The following HEATR5A variants were observed in gnomAD, a reference collection of about 807,000 sequenced individuals.
HEATR5A encodes the protein HEAT repeat containing 5A.
Under a neutral mutation model 218.8 loss-of-function variants are expected in HEATR5A, and 178 were observed. That is an observed-to-expected ratio of 0.81 (90% CI 0.72 to 0.92). HEATR5A has a LOEUF of 0.92. Among genes scored for constraint, HEATR5A ranks in the 40% least tolerant of loss-of-function variants. The probability of loss-of-function intolerance (pLI) is 0.00; values close to 1 mark genes in which losing one functional copy is unlikely to be tolerated. For missense variants in HEATR5A, 2,420 were observed against 2,418.9 expected (o/e 1.00, Z -0.01); for synonymous variants, 864 against 871.6 (o/e 0.99, Z 0.15).
chr14:31,344,265 A>ACTCTTTTTTTTTTT (rs1900940737), intron 20 of HEATR5A, among the ~76,000 whole-genome samples, 200 bp from the exon 21 acceptor site: 1 of 54,924 alleles, frequency 1.8e-5, no homozygotes, highest in Non-Finnish European at 4.6e-5. Context: ...TAGATTAGTT[A>ACTCTTTTTTTTTTT]TTCTTTTTTT....
intron 22 of HEATR5A, among the ~76,000 whole-genome samples, chr14:31,327,550 C>T (rs1467097040): frequency 6.6e-6 from 1 of 151,936 alleles, no homozygotes; most frequent in Non-Finnish European, 1.5e-5. Context: ...CTAGGCCTCC[C>T]AAAGTGCTAG....
chr14:31,322,828 A>G (rs1360990548), intron 24 of HEATR5A, among the ~76,000 whole-genome samples: 2 of 151,744 alleles, frequency 1.3e-5, no homozygotes, highest in East Asian at 3.9e-4. Context: ...AAAAAAAAAA[A>G]AAAAAAAACA....
chr14:31,322,869 G>A (rs972199408), intron 24 of HEATR5A, among the ~76,000 whole-genome samples: 2 of 147,874 alleles, frequency 1.4e-5, no homozygotes, highest in Non-Finnish European at 3.0e-5. Context: ...GAACATATGA[G>A]CTTAAGTGAA....
intron 9 of HEATR5A, among the ~76,000 whole-genome samples, chr14:31,385,106 G>A (rs1438246435): frequency 6.6e-6 from 1 of 152,066 alleles, no homozygotes; most frequent in East Asian, 1.9e-4. Flanking sequence ...CAAGAAATGT[G>A]TGCCACGAAG....
Position 31,405,933 on chromosome 14 carries a change from T to C in HEATR5A, c.-74-2884A>G, listed in dbSNP as rs2031044865. Reference sequence around the variant, plus strand: ...AAGCAGGTCATAAAGTCATCTCTAATGCCCTCAATACATTCCTTATGTAAA... The same window carrying C: ...AAGCAGGTCATAAAGTCATCTCTAACGCCCTCAATACATTCCTTATGTAAA... On this transcript the variant is annotated intron_variant, in intron 1 of 35. Coordinates refer to ENST00000543095, the MANE Select transcript of HEATR5A (RefSeq NM_015473.4). Among the ~76,000 whole-genome samples the C allele has an allele frequency of 1.3e-5, 2 of 152,252 alleles. 1 individual carries two copies. The highest frequency in any genetic ancestry group is 1.3e-4 in the Admixed American group (2 of 15,288).
Position 31,349,837 on chromosome 14 carries a change from A to G in HEATR5A, c.2660T>C (p.Val887Ala). The change falls in exon 18 of 36, where the codon GTA becomes GCA. Residue 887 changes from valine (V) to alanine (A), a missense_variant. Val to Ala is a moderately conservative substitution (Grantham distance 64, BLOSUM62 0). Coordinates refer to ENST00000543095, the MANE Select transcript of HEATR5A (RefSeq NM_015473.4). ...AESWARLAQV[V>A]DDGAFTAGLA... ...TCCAGCAGTAAAAGCTCCATCATCT[A>G]CCACTTGGGCTAATCTAGCCCATGA... The G allele has an allele frequency of 6.2e-7, 1 of 1,613,170 alleles. No individual in the cohort carries two copies. Among genetic ancestry groups the G allele is most frequent in the Non-Finnish European group, 8.5e-7 (1 of 1,179,312 alleles).
intron 31 of HEATR5A, among the ~76,000 whole-genome samples, chr14:31,305,558 C>T (rs1213953090): frequency 6.6e-6 from 1 of 152,110 alleles, no homozygotes; most frequent in Admixed American, 6.6e-5. Flanking sequence ...CCACTGCGCC[C>T]GGCCAGGAAA....
chr14:31,346,677 CT>C (rs1487519121), intron 19 of HEATR5A, among the ~76,000 whole-genome samples: 1 of 152,156 alleles, frequency 6.6e-6, no homozygotes, highest in African/African-American at 2.4e-5. Context: ...GCAATAAGCA[CT>C]TTGTCAAGCT....
chr14:31,390,991 G>C (rs773926135), intron 6 of HEATR5A, among the ~76,000 whole-genome samples: 2 of 152,098 alleles, frequency 1.3e-5, no homozygotes, highest in Non-Finnish European at 2.9e-5. Context: ...AGATACTAAG[G>C]TGAAAGACAG....
rs1370173532 is a variant in HEATR5A at position 31,400,504 on chromosome 14, T to G, written c.135A>C (p.Val45=). 1.3e-6 allele frequency: 2 copies of G among 1,528,964 alleles called. No individual in the cohort carries two copies. The highest frequency in any genetic ancestry group is 1.8e-6 in the Non-Finnish European group (2 of 1,141,906). The allele number at this position is 1,528,964 out of a possible 1,614,324, so 94.7% of individuals were successfully genotyped here. ...CAACAAGAGTCTTCTGTTTCTCCCTTACATCATTCTAGAAAGAAAGATAAC... is the reference window on the plus strand; with the variant it reads ...CAACAAGAGTCTTCTGTTTCTCCCTGACATCATTCTAGAAAGAAAGATAAC... The part of the protein sequence containing the change: ...KLLLATSRND[V]REKQKTLVEQ... Residue 45 remains valine (V), a synonymous_variant, in exon 3 of 36, where the codon GTA becomes GTC. Transcript: ENST00000543095.
intron 4 of HEATR5A, among the ~76,000 whole-genome samples, chr14:31,395,618 A>G (rs12050093): frequency 0.13 from 20,381 of 152,282 alleles, 1,583 homozygotes; most frequent in East Asian, 0.36. Context: ...CAAAAAGCTT[A>G]CATGCCATTA....
chr14:31,397,039 TCTC>T (rs1000346567), intron 4 of HEATR5A, among the ~76,000 whole-genome samples: 4 of 152,152 alleles, frequency 2.6e-5, no homozygotes, highest in African/African-American at 9.7e-5. Context: ...AAAAATCTGT[TCTC>T]CTTAATCATT....
chr14:31,293,032 T>TAGTA lies in HEATR5A; in HGVS notation c.*269_*272dup. ...TTCATTTTTAAAGCAGTGGATTGTT[T>TAGTA]AGTAAGTTTAGTTCTTTAGCACTTT... On this transcript the variant is annotated 3_prime_UTR_variant, in exon 36 of 36. Coordinates refer to ENST00000543095, the MANE Select transcript of HEATR5A (RefSeq NM_015473.4). 2.9e-6 allele frequency: 1 copy of TAGTA among 341,358 alleles called. No homozygotes were observed. The highest frequency in any genetic ancestry group is 5.3e-6 in the Non-Finnish European group (1 of 189,694). 21.1% of individuals were successfully genotyped at this position (341,358 alleles called of 1,614,324 possible).
intron 1 of HEATR5A, among the ~76,000 whole-genome samples, chr14:31,413,167 T>TTGCC (rs1297402322): frequency 1.3e-5 from 2 of 152,116 alleles, no homozygotes; most frequent in African/African-American, 4.8e-5. Flanking sequence ...GGGAAGAATG[T>TTGCC]TGCCGCTCAC....
chr14:31,390,323 T>C (rs1041363080), intron 6 of HEATR5A, among the ~76,000 whole-genome samples: 7 of 152,066 alleles, frequency 4.6e-5, no homozygotes, highest in South Asian at 2.1e-4. Context: ...TGATATAATA[T>C]GTCATGCTGC....
intron 21 of HEATR5A, among the ~76,000 whole-genome samples, chr14:31,339,584 T>C (rs1595114561): frequency 6.6e-6 from 1 of 151,914 alleles, no homozygotes; most frequent in African/African-American, 2.4e-5. Context: ...TTTTTTGTTG[T>C]TGTTGTTGTT....
rs1026035470 is a variant in HEATR5A at position 31,308,886 on chromosome 14, A to G, written c.4690+48T>C. On this transcript the variant is annotated intron_variant, in intron 29 of 35. Coordinates refer to ENST00000543095, the MANE Select transcript of HEATR5A (RefSeq NM_015473.4). ...CAAAACTCCATCTCAAAAAAAAAAA[A>G]ACAAAAAACCCCTAAGGTTGTAAAC... 1.1e-5 allele frequency: 16 copies of G among 1,515,780 alleles called. No individual in the cohort carries two copies. The African/African-American group carries it at 2.0e-4, about 19-fold the overall frequency. The allele number at this position is 1,515,780 out of a possible 1,614,324, so 93.9% of individuals were successfully genotyped here.
Position 31,309,002 on chromosome 14 carries a change from C to A in HEATR5A, c.4622G>T (p.Gly1541Val), listed in dbSNP as rs544853467. ...CTTTATGGTAGCCCCAGATGATGAA[C>A]CCTGACACATGGAAGTTGGTGTTAC... is the stretch of plus-strand genomic sequence containing the variant. ...RPVTPTSMCQGSSSGATIKSP... is the reference protein window; with the variant it reads ...RPVTPTSMCQVSSSGATIKSP... The change falls in exon 29 of 36, where the codon GGT becomes GTT. Residue 1541 changes from glycine to valine, a missense_variant. Coordinates refer to ENST00000543095, the MANE Select transcript of HEATR5A (RefSeq NM_015473.4). 1.9e-5 allele frequency: 31 copies of A among 1,613,808 alleles called. 1 individual carries two copies. In the Middle Eastern group the frequency reaches 1.5e-3, roughly 77 times the overall value.
intron 21 of HEATR5A, among the ~76,000 whole-genome samples, chr14:31,339,364 C>A (rs776557350): frequency 7.1e-6 from 1 of 140,680 alleles, no homozygotes; most frequent in Non-Finnish European, 1.5e-5. Context: ...GCAGGAGAAT[C>A]GCTTGAACCC....
Sources: allele counts gnomAD v4.1 joint callset (sites outside exome capture counted in the v4.1 genomes callset), GRCh38; gene constraint gnomAD v4.1.1; transcripts MANE v1.5; gene names NCBI Gene and HGNC (gene_info 2026-07-23, HGNC 2026-07-21).